The following LHFPL2 variants were observed in gnomAD, a reference collection of about 807,000 sequenced individuals.
The protein encoded by LHFPL2 is LHFPL tetraspan subfamily member 2, also known as LHFPL tetraspan subfamily member 2 protein.
Under a neutral mutation model 17.5 loss-of-function variants are expected in LHFPL2, and 7 were observed. That is an observed-to-expected ratio of 0.40 (90% confidence interval 0.23 to 0.75). The LOEUF is 0.75. Among genes scored for constraint, LHFPL2 ranks in the 30% least tolerant of loss-of-function variants. LHFPL2 has a pLI of 0.37. For missense variants in LHFPL2, 241 were observed against 294.8 expected (o/e 0.82, Z 1.34); for synonymous variants, 134 against 116.2 (o/e 1.15, Z -0.99).
At chr5:78,500,530 G>A (rs1011708572) in intron 4 of LHFPL2, among the ~76,000 whole-genome samples, 1 of 152,174 alleles carries the variant, frequency 6.6e-6, no homozygotes, top group Non-Finnish European at 1.5e-5. Flanking sequence ...CCCAGGAAGA[G>A]TTCTGGTTCT....
At chr5:78,536,141 G>A (rs1323652052) in intron 3 of LHFPL2, among the ~76,000 whole-genome samples, 1 of 152,214 alleles carries the variant, frequency 6.6e-6, no homozygotes, top group Non-Finnish European at 1.5e-5. Flanking sequence ...GTGGCTGAAC[G>A]TGATCCCATG....
At chr5:78,582,429 A>G (rs1437409296) in intron 2 of LHFPL2, among the ~76,000 whole-genome samples, 7 of 150,274 alleles carry the variant, frequency 4.7e-5, no homozygotes, top group Non-Finnish European at 7.4e-5. Context: ...ATTTAGTGCT[A>G]TAAATTTCCC....
At chr5:78,646,082 T>C (rs1252190536) in intron 1 of LHFPL2, among the ~76,000 whole-genome samples, 1 of 152,224 alleles carries the variant, frequency 6.6e-6, no homozygotes, top group East Asian at 1.9e-4. Context: ...ACCTAATACC[T>C]GAAGCTGCCA....
chr5:78,536,249 T>C (rs768421927), intron 3 of LHFPL2, among the ~76,000 whole-genome samples: 9 of 152,200 alleles, frequency 5.9e-5, no homozygotes, highest in Non-Finnish European at 1.2e-4. Context: ...GCCGTGGCAC[T>C]GTAAATGGCT....
intron 2 of LHFPL2, among the ~76,000 whole-genome samples, chr5:78,624,315 A>G (rs1744959278): frequency 6.6e-6 from 1 of 152,224 alleles, no homozygotes; most frequent in Non-Finnish European, 1.5e-5. Flanking sequence ...AGGCACCGGC[A>G]GAAGTCAGGG....
chr5:78,523,128 G>T (rs1011257466), intron 3 of LHFPL2, among the ~76,000 whole-genome samples: 20 of 152,092 alleles, frequency 1.3e-4, no homozygotes, highest in African/African-American at 4.8e-4. Flanking sequence ...GTGTGTGTGT[G>T]TGTGTGTGTA....
intron 4 of LHFPL2, among the ~76,000 whole-genome samples, chr5:78,503,494 C>A (rs551799655): frequency 2.6e-5 from 4 of 152,114 alleles, no homozygotes; most frequent in Admixed American, 2.6e-4. Flanking sequence ...GTCAGGAGTA[C>A]GAGACCAGCC....
chr5:78,572,877 A>G (rs1018335661), intron 2 of LHFPL2, among the ~76,000 whole-genome samples: 17 of 152,262 alleles, frequency 1.1e-4, no homozygotes, highest in African/African-American at 4.1e-4. Flanking sequence ...GTTCCACCTT[A>G]GATCATCAGG....
chr5:78,577,885 A>G (rs1251812692), intron 2 of LHFPL2, among the ~76,000 whole-genome samples: 1 of 151,780 alleles, frequency 6.6e-6, no homozygotes, highest in Non-Finnish European at 1.5e-5. Flanking sequence ...ACTGAGCTAC[A>G]CTCCTTGAAA....
At chr5:78,630,558 A>G (rs1745205014) in intron 2 of LHFPL2, among the ~76,000 whole-genome samples, 1 of 152,036 alleles carries the variant, frequency 6.6e-6, no homozygotes, top group Non-Finnish European at 1.5e-5. Context: ...GTCAGCTGGG[A>G]GTCAAGGTTC....
In LHFPL2 at chr5:78,620,220, T is replaced by C. The variant is rs1744799251; in HGVS notation, c.-245+12044A>G. 2.0e-5 allele frequency among the ~76,000 whole-genome samples: 3 copies of C among 148,762 alleles called. No individual in the cohort carries two copies. The South Asian group carries it at 6.6e-4, about 33-fold the overall frequency. On this transcript the variant is annotated intron_variant, in intron 2 of 4. Coordinates refer to ENST00000380345, the MANE Select transcript of LHFPL2 (RefSeq NM_005779.3). ...ATTCTAACTGGTGTGAGATGGTATC[T>C]CATTGTGGTTTTGATTTGCATTTCT...
intron 2 of LHFPL2, among the ~76,000 whole-genome samples, chr5:78,631,087 TAA>T (rs1233931524): frequency 2.6e-5 from 4 of 152,350 alleles, no homozygotes; most frequent in African/African-American, 9.6e-5. Flanking sequence ...TGCACTGATT[TAA>T]AAGTGTCGTA....
intron 3 of LHFPL2, among the ~76,000 whole-genome samples, chr5:78,548,259 C>T (rs115602840): frequency 6.6e-6 from 1 of 152,212 alleles, no homozygotes; most frequent in Non-Finnish European, 1.5e-5. Flanking sequence ...TGCACTTCCA[C>T]GTAAAGAGCT....
chr5:78,490,025 T>C (rs1039681817), intron 4 of LHFPL2, among the ~76,000 whole-genome samples: 1 of 152,260 alleles, frequency 6.6e-6, no homozygotes, highest in African/African-American at 2.4e-5. Context: ...GTGCTTTAAG[T>C]AAGCCAGATG....
chr5:78,520,174 A>G (rs967270601), intron 3 of LHFPL2, among the ~76,000 whole-genome samples: 1 of 152,062 alleles, frequency 6.6e-6, no homozygotes, highest in Non-Finnish European at 1.5e-5. Flanking sequence ...GTCAACATTT[A>G]TGTTTCTGCC....
At chr5:78,636,682 T>A (rs915388183) in intron 1 of LHFPL2, among the ~76,000 whole-genome samples, 1 of 151,948 alleles carries the variant, frequency 6.6e-6, no homozygotes, top group African/African-American at 2.4e-5. Flanking sequence ...AGTGGGAAAA[T>A]CACTATCGAG....
intron 3 of LHFPL2, among the ~76,000 whole-genome samples, chr5:78,523,463 C>A (rs1005755298): frequency 2.6e-5 from 4 of 151,978 alleles, no homozygotes. Context: ...GCGGGAGGAC[C>A]AGAATGTACC....
intron 3 of LHFPL2, among the ~76,000 whole-genome samples, chr5:78,542,654 G>A (rs1482335847): frequency 6.6e-6 from 1 of 152,158 alleles, no homozygotes; most frequent in Non-Finnish European, 1.5e-5. Flanking sequence ...CCTCTTCCAG[G>A]GAAGCCTTGC....
intron 2 of LHFPL2, among the ~76,000 whole-genome samples, chr5:78,595,318 T>C (rs574501571): frequency 6.6e-6 from 1 of 152,248 alleles, no homozygotes; most frequent in Non-Finnish European, 1.5e-5. Context: ...TGAGTCATAC[T>C]GGCTTGAATC....
Sources: gnomAD v4.1 joint callset for allele counts (sites outside exome capture counted in the v4.1 genomes callset) on GRCh38, gnomAD v4.1.1 for gene constraint, MANE v1.5 for transcripts, NCBI Gene and HGNC (gene_info 2026-07-23, HGNC 2026-07-21) for gene names.